Variants in KBTBD13 observed in about 807,000 individuals in gnomAD.
The protein encoded by KBTBD13 is kelch repeat and BTB domain containing 13.
A neutral mutation model predicts 25.4 loss-of-function variants in KBTBD13; 32 were observed. That is an observed-to-expected ratio of 1.26 (90% CI 0.95 to 1.69). The LOEUF is 1.69. Ranked by LOEUF, KBTBD13 falls within the 40% of genes most tolerant of loss-of-function variation. KBTBD13 has a pLI of 0.00. For synonymous variants in KBTBD13, 436 were observed against 329.8 expected, an observed-to-expected ratio of 1.32 and a Z score of -3.49; for missense variants, 898 against 679.5, an observed-to-expected ratio of 1.32 and a Z score of -3.57.
At position 65,077,958 on chromosome 15, in the gene KBTBD13, G is replaced by T. The variant is rs1230660328; in HGVS notation, c.1143G>T (p.Ala381=). The T allele has an allele frequency of 6.2e-7, 1 of 1,611,258 alleles. No homozygotes were observed. Among genetic ancestry groups the T allele is most frequent in the East Asian group, 2.2e-5 (1 of 44,874 alleles). ...ACCTGGCCACGGGCCAGTGGACGGCGCTGCCCGGCCAGTTCGTCAACAGCA... is the reference window on the plus strand; with the variant it reads ...ACCTGGCCACGGGCCAGTGGACGGCTCTGCCCGGCCAGTTCGTCAACAGCA... The part of the protein sequence containing the change: ...CLNLATGQWT[A]LPGQFVNSKG... Residue 381 remains alanine, a synonymous_variant, in exon 1 of 1, where the codon GCG becomes GCT. Coordinates refer to ENST00000432196, the MANE Select transcript of KBTBD13 (RefSeq NM_001101362.3).
At position 65,077,039 on chromosome 15, in the gene KBTBD13, A is replaced by C. The variant is rs755775428; in HGVS notation, c.224A>C (p.Glu75Ala). ...GGCGACCGGCCGGCGCTGGCGGCGG[A>C]GGACGAGCTGCTGCAGGCCGTGGAG... is the stretch of plus-strand genomic sequence containing the variant. ...LRGDRPALAAEDELLQAVECA... is the reference protein window; with the variant it reads ...LRGDRPALAAADELLQAVECA... Residue 75 changes from glutamate to alanine, a missense_variant, in exon 1 of 1, where the codon GAG becomes GCG. Transcript: ENST00000432196. 1.5e-5 allele frequency: 23 copies of C among 1,499,026 alleles called. No homozygotes were observed. In the Admixed American group the frequency reaches 3.7e-4, roughly 24 times the overall value. 92.9% of individuals were successfully genotyped at this position (1,499,026 alleles called of 1,614,324 possible). A position where few individuals can be genotyped will look rare whatever the true frequency, so the allele number is the denominator to read the frequency against.
In KBTBD13 at chr15:65,078,179, C is replaced by T. The variant is rs1428777699; in HGVS notation, c.1364C>T (p.Thr455Met). 14 of 1,540,354 alleles carry T rather than the reference C, an allele frequency of 9.1e-6. No homozygotes were observed. The highest frequency in any genetic ancestry group is 8.2e-5 in the African/African-American group (6 of 73,170). ...PGAPGPVTSTTAEL is the reference protein window; with the variant it reads ...PGAPGPVTSTMAEL ...GCTCCTGGGCCTGTGACTTCGACAA[C>T]GGCAGAACTGTGACCTCTGGGCTGG... is the stretch of plus-strand genomic sequence containing the variant. The change falls in exon 1 of 1, where the codon ACG becomes ATG. Residue 455 changes from threonine to methionine, a missense_variant. By Grantham distance (81) the Thr-to-Met change is moderately conservative. Coordinates refer to ENST00000432196, the MANE Select transcript of KBTBD13 (RefSeq NM_001101362.3).
At position 65,079,511 on chromosome 15, in the gene KBTBD13, AATG is replaced by A. The variant is rs1202286684; in HGVS notation, c.*1326_*1328del. On this transcript the variant is annotated 3_prime_UTR_variant, in exon 1 of 1. Coordinates refer to ENST00000432196, the MANE Select transcript of KBTBD13 (RefSeq NM_001101362.3). ...GGGGGACTTCCCTGTCCCAGATTAAAATGATGATGCCTTGAAAGAACCCAGGCT... is the reference window on the plus strand; with the variant it reads ...GGGGGACTTCCCTGTCCCAGATTAAAATGATGCCTTGAAAGAACCCAGGCT... 2.6e-5 allele frequency among the ~76,000 whole-genome samples: 4 copies of A among 152,176 alleles called. No individual in the cohort carries two copies. Among genetic ancestry groups the A allele is most frequent in the African/African-American group, 4.8e-5 (2 of 41,440 alleles).
chr15:65,077,794 A>C lies in KBTBD13; in HGVS notation c.979A>C (p.Thr327Pro). 1.9e-6 allele frequency: 3 copies of C among 1,593,154 alleles called. No homozygotes were observed. The highest frequency in any genetic ancestry group is 2.6e-6 in the Non-Finnish European group (3 of 1,174,540). The stretch of plus-strand genomic sequence containing the variant: ...CGCCGTGGTGGAGTACGCAGTGCGG[A>C]CCGACGCGTGGCTGCCAGTGGCCGA... ...TTAVVEYAVRTDAWLPVAELR... is the reference protein window; with the variant it reads ...TTAVVEYAVRPDAWLPVAELR... Residue 327 changes from threonine (T) to proline (P), a missense_variant, in exon 1 of 1, where the codon ACC (threonine) becomes CCC (proline). By Grantham distance (38) the Thr-to-Pro change is conservative. Transcript: ENST00000432196.
At position 65,077,217 on chromosome 15, in the gene KBTBD13, C is replaced by G. The variant is rs1169407156; in HGVS notation, c.402C>G (p.Arg134=). The change falls in exon 1 of 1, where the codon CGC becomes CGG. Residue 134 remains arginine, a synonymous_variant. Coordinates refer to ENST00000432196, the MANE Select transcript of KBTBD13 (RefSeq NM_001101362.3). ...CGCTCTTCATCTGCGACGGCGAGCG[C>G]GAGCTGGCGGCCGAACTGGCGCTGC... ...SAALFICDGE[R]ELAAELALPE... 13 of 1,445,684 alleles carry G rather than the reference C, an allele frequency of 9.0e-6. No homozygotes were observed. The highest frequency in any genetic ancestry group is 1.1e-5 in the Non-Finnish European group (12 of 1,100,906). The allele number at this position is 1,445,684 out of a possible 1,614,324, so 89.6% of individuals were successfully genotyped here. A position where few individuals can be genotyped will look rare whatever the true frequency, so the allele number is the denominator to read the frequency against.
rs189406063 is a variant in KBTBD13, at chr15:65,079,706, T to C, written c.*1514T>C. Among the ~76,000 whole-genome samples the C allele has an allele frequency of 2.5e-3, 388 of 152,298 alleles. No individual in the cohort carries two copies. The highest frequency in any genetic ancestry group is 3.2e-3 in the Non-Finnish European group (216 of 68,016). On this transcript the variant is annotated 3_prime_UTR_variant, in exon 1 of 1. Coordinates refer to ENST00000432196, the MANE Select transcript of KBTBD13 (RefSeq NM_001101362.3). Reference sequence around the variant, plus strand: ...CTTCTCTGGGTGGTTCTCATTGGTCTCCATCCCCCAGGACCTGAGGCCCAT... The same window carrying C: ...CTTCTCTGGGTGGTTCTCATTGGTCCCCATCCCCCAGGACCTGAGGCCCAT...
At position 65,077,669 on chromosome 15, in the gene KBTBD13, G is replaced by C; in HGVS notation, c.854G>C (p.Trp285Ser). 1 of 1,585,358 alleles carries C rather than the reference G, an allele frequency of 6.3e-7. No homozygotes were observed. The highest frequency in any genetic ancestry group is 1.1e-5 in the South Asian group (1 of 89,230). ...CGCTACGACCCAGCCGCGGGCTGCTGGAGTTTCGTGGCCGACCTGCCGCAG... is the reference window on the plus strand; with the variant it reads ...CGCTACGACCCAGCCGCGGGCTGCTCGAGTTTCGTGGCCGACCTGCCGCAG... ...VERYDPAAGCWSFVADLPQPA... is the reference protein window; with the variant it reads ...VERYDPAAGCSSFVADLPQPA... Residue 285 changes from tryptophan (W) to serine (S), a missense_variant, in exon 1 of 1, where the codon TGG (tryptophan) becomes TCG (serine). Transcript: ENST00000432196.
At position 65,078,035 on chromosome 15, in the gene KBTBD13, A is replaced by G. The variant is rs1457792778; in HGVS notation, c.1220A>G (p.Asn407Ser). ...VVRGDTVYTV[N>S]RMFTLLYAIE... ...CGCGGTGACACCGTCTATACGGTCA[A>G]CCGCATGTTCACGCTGCTCTACGCC... The change falls in exon 1 of 1, where the codon AAC becomes AGC. Residue 407 changes from asparagine (N) to serine (S), a missense_variant. Asn to Ser is a conservative substitution (Grantham distance 46). Coordinates refer to ENST00000432196, the MANE Select transcript of KBTBD13 (RefSeq NM_001101362.3). 2.5e-6 allele frequency: 4 copies of G among 1,603,718 alleles called. No homozygotes were observed. The highest frequency in any genetic ancestry group is 4.5e-5 in the East Asian group (2 of 44,850).
Position 65,077,308 on chromosome 15 carries a change from C to G in KBTBD13, c.493C>G (p.Pro165Ala). The G allele has an allele frequency of 7.0e-7, 1 of 1,419,252 alleles. No individual in the cohort carries two copies. Among genetic ancestry groups the G allele is most frequent in the Non-Finnish European group, 9.2e-7 (1 of 1,090,812 alleles). The allele number at this position is 1,419,252 out of a possible 1,614,324, so 87.9% of individuals were successfully genotyped here. A position where few individuals can be genotyped will look rare whatever the true frequency, so the allele number is the denominator to read the frequency against. The change falls in exon 1 of 1, where the codon CCC becomes GCC. Residue 165 changes from proline to alanine, a missense_variant. Pro to Ala is a conservative substitution (Grantham distance 27). Coordinates refer to ENST00000432196, the MANE Select transcript of KBTBD13 (RefSeq NM_001101362.3). ...CTACGCGGCCGTGAGCACGCACACG[C>G]CCGCGCCCGGCTTCCTGGAGGACGC... is the stretch of plus-strand genomic sequence containing the variant. ...SSYAAVSTHT[P>A]APGFLEDASR...
rs559990180 is a variant in KBTBD13 at position 65,077,723 on chromosome 15, C to T, written c.908C>T (p.Ala303Val). Residue 303 changes from alanine (A) to valine (V), a missense_variant, in exon 1 of 1, where the codon GCT becomes GTT. Coordinates refer to ENST00000432196, the MANE Select transcript of KBTBD13 (RefSeq NM_001101362.3). ...GCCGCCGGCGTGCCCTGCGCCCAGGCTTGTGGCCGTCTCTTCGTGTGCCTG... is the reference window on the plus strand; with the variant it reads ...GCCGCCGGCGTGCCCTGCGCCCAGGTTTGTGGCCGTCTCTTCGTGTGCCTG... The part of the protein sequence containing the change: ...QPAAGVPCAQ[A>V]CGRLFVCLWR... The T allele has an allele frequency of 1.3e-6, 2 of 1,585,872 alleles. No individual in the cohort carries two copies. The highest frequency in any genetic ancestry group is 4.6e-5 in the East Asian group (2 of 43,804).
chr15:65,077,868 C>T lies in KBTBD13; in HGVS notation c.1053C>T (p.Asp351=). 6.2e-7 allele frequency: 1 copy of T among 1,611,582 alleles called. No homozygotes were observed. The highest frequency in any genetic ancestry group is 8.5e-7 in the Non-Finnish European group (1 of 1,179,778). ...GCCACTGCATGGTGGCCCACCGCGA[C>T]AGCCTCTATGTGGTGCGCAACGGAC... The part of the protein sequence containing the change: ...SYGHCMVAHR[D]SLYVVRNGPS... Residue 351 remains aspartate (D), a synonymous_variant, in exon 1 of 1, where the codon GAC becomes GAT. Transcript: ENST00000432196.
chr15:65,077,076 C>T lies in KBTBD13; in HGVS notation c.261C>T (p.Phe87=), dbSNP rs770172865. Residue 87 remains phenylalanine (F), a synonymous_variant, in exon 1 of 1, where the codon TTC becomes TTT. Transcript: ENST00000432196. Reference sequence around the variant, plus strand: ...TGCAGGCCGTGGAGTGCGCCGCCTTCCTCCAGGCGCCGGCGCTGGCTCGCT... The same window carrying T: ...TGCAGGCCGTGGAGTGCGCCGCCTTTCTCCAGGCGCCGGCGCTGGCTCGCT... The part of the protein sequence containing the change: ...ELLQAVECAA[F]LQAPALARFL... The T allele has an allele frequency of 1.1e-5, 17 of 1,515,474 alleles. No homozygotes were observed. The highest frequency in any genetic ancestry group is 8.2e-5 in the Admixed American group (4 of 49,020). The allele number at this position is 1,515,474 out of a possible 1,614,324, so 93.9% of individuals were successfully genotyped here.
In KBTBD13 at chr15:65,078,666, G is replaced by A. The variant is rs897151232; in HGVS notation, c.*474G>A. Among the ~76,000 whole-genome samples, 5 of 152,064 alleles carry A rather than the reference G, an allele frequency of 3.3e-5. No homozygotes were observed. Among genetic ancestry groups the A allele is most frequent in the Admixed American group, 6.6e-5 (1 of 15,262 alleles). On this transcript the variant is annotated 3_prime_UTR_variant, in exon 1 of 1. Coordinates refer to ENST00000432196, the MANE Select transcript of KBTBD13 (RefSeq NM_001101362.3). ...TTAACAGTTACAGGACAACAAAAAG[G>A]TTTACACACAACTTGATCCACAGAG... is the stretch of plus-strand genomic sequence containing the variant.
In KBTBD13 at chr15:65,078,090, G is replaced by A; in HGVS notation, c.1275G>A (p.Arg425=). ...AGGGCGGCACCTGGCGGCTGCTCAG[G>A]GAGAAAGCCGGCTTCCCGCGGCCCG... is the stretch of plus-strand genomic sequence containing the variant. ...AIEGGTWRLL[R]EKAGFPRPGS... Residue 425 remains arginine (R), a synonymous_variant, in exon 1 of 1, where the codon AGG becomes AGA. Coordinates refer to ENST00000432196, the MANE Select transcript of KBTBD13 (RefSeq NM_001101362.3). The A allele has an allele frequency of 6.3e-7, 1 of 1,592,240 alleles. No individual in the cohort carries two copies.
Position 65,077,121 on chromosome 15 carries a change from G to C in KBTBD13, c.306G>C (p.Thr102=), listed in dbSNP as rs1223473592. ...CTCGCTTTCTGGAGCACAACCTCAC[G>C]TCGGACAACTGCGCATTGCTGTGCG... is the stretch of plus-strand genomic sequence containing the variant. ...ALARFLEHNL[T]SDNCALLCDA... Residue 102 remains threonine (T), a synonymous_variant, in exon 1 of 1, where the codon ACG becomes ACC. Coordinates refer to ENST00000432196, the MANE Select transcript of KBTBD13 (RefSeq NM_001101362.3). The C allele has an allele frequency of 6.6e-6, 10 of 1,523,198 alleles. No individual in the cohort carries two copies. Among genetic ancestry groups the C allele is most frequent in the Non-Finnish European group, 8.8e-6 (10 of 1,139,880 alleles). The allele number at this position is 1,523,198 out of a possible 1,614,324, so 94.4% of individuals were successfully genotyped here. A position where few individuals can be genotyped will look rare whatever the true frequency, so the allele number is the denominator to read the frequency against.
At position 65,078,062 on chromosome 15, in the gene KBTBD13, T is replaced by C; in HGVS notation, c.1247T>C (p.Ile416Thr). The C allele has an allele frequency of 6.2e-7, 1 of 1,600,634 alleles. No individual in the cohort carries two copies. The highest frequency in any genetic ancestry group is 8.5e-7 in the Non-Finnish European group (1 of 1,178,950). Reference protein sequence around the residue: ...VNRMFTLLYAIEGGTWRLLRE... With the variant: ...VNRMFTLLYATEGGTWRLLRE... The stretch of plus-strand genomic sequence containing the variant: ...CGCATGTTCACGCTGCTCTACGCCA[T>C]CGAGGGCGGCACCTGGCGGCTGCTC... Residue 416 changes from isoleucine (I) to threonine (T), a missense_variant, in exon 1 of 1, where the codon ATC becomes ACC. Ile to Thr is a moderately conservative substitution (Grantham distance 89, BLOSUM62 -1). Transcript: ENST00000432196.
rs532324778 is a variant in KBTBD13, at chr15:65,077,740, G to C, written c.925G>C (p.Val309Leu). 1.2e-5 allele frequency: 19 copies of C among 1,584,280 alleles called. No individual in the cohort carries two copies. The South Asian group carries it at 2.1e-4, about 18-fold the overall frequency. The change falls in exon 1 of 1, where the codon GTG becomes CTG. Residue 309 changes from valine (V) to leucine (L), a missense_variant. Coordinates refer to ENST00000432196, the MANE Select transcript of KBTBD13 (RefSeq NM_001101362.3). ...CGCCCAGGCTTGTGGCCGTCTCTTCGTGTGCCTGTGGCGGCCGGCCGACAC... is the reference window on the plus strand; with the variant it reads ...CGCCCAGGCTTGTGGCCGTCTCTTCCTGTGCCTGTGGCGGCCGGCCGACAC... Reference protein sequence around the residue: ...PCAQACGRLFVCLWRPADTTA... With the variant: ...PCAQACGRLFLCLWRPADTTA...
Position 65,077,435 on chromosome 15 carries a change from T to C in KBTBD13, c.620T>C (p.Leu207Pro). 1 of 1,528,444 alleles carries C rather than the reference T, an allele frequency of 6.5e-7. No homozygotes were observed. Among genetic ancestry groups the C allele is most frequent in the Non-Finnish European group, 8.8e-7 (1 of 1,142,572 alleles). 94.7% of individuals were successfully genotyped at this position (1,528,444 alleles called of 1,614,324 possible). A position where few individuals can be genotyped will look rare whatever the true frequency, so the allele number is the denominator to read the frequency against. Residue 207 changes from leucine to proline, a missense_variant, in exon 1 of 1, where the codon CTG becomes CCG. Coordinates refer to ENST00000432196, the MANE Select transcript of KBTBD13 (RefSeq NM_001101362.3). ...ACGTTGCTGGCCGGGGTGGCCACGCTGGGCAACAAGCTTTACATCGTGGGG... is the reference window on the plus strand; with the variant it reads ...ACGTTGCTGGCCGGGGTGGCCACGCCGGGCAACAAGCTTTACATCGTGGGG... ...ASTLLAGVAT[L>P]GNKLYIVGGV...
chr15:65,078,320 C>G lies in KBTBD13; in HGVS notation c.*128C>G. On this transcript the variant is annotated 3_prime_UTR_variant, in exon 1 of 1. Coordinates refer to ENST00000432196, the MANE Select transcript of KBTBD13 (RefSeq NM_001101362.3). Reference sequence around the variant, plus strand: ...TCTACTGAGACACCCAGGTTTGGTGCCTTCTGGTGGTGTGGACATGTTCAA... The same window carrying G: ...TCTACTGAGACACCCAGGTTTGGTGGCTTCTGGTGGTGTGGACATGTTCAA... The G allele has an allele frequency of 7.7e-7, 1 of 1,305,890 alleles. No homozygotes were observed. Among genetic ancestry groups the G allele is most frequent in the South Asian group, 1.5e-5 (1 of 65,536 alleles). The allele number at this position is 1,305,890 out of a possible 1,614,324, so 80.9% of individuals were successfully genotyped here.
Sources: allele counts gnomAD v4.1 joint callset (sites outside exome capture counted in the v4.1 genomes callset), GRCh38; gene constraint gnomAD v4.1.1; transcripts MANE v1.5; gene names NCBI Gene and HGNC (gene_info 2026-07-23, HGNC 2026-07-21).